IMMP2L: variants seen among roughly 807,000 people sequenced by gnomAD.
IMMP2L encodes mitochondrial inner membrane protease subunit 2.
Under a neutral mutation model 19.3 loss-of-function variants are expected in IMMP2L, and 18 were observed. The observed-to-expected ratio is 0.93, with a 90% CI of 0.64 to 1.38. IMMP2L has a LOEUF of 1.38. IMMP2L is among the 40% of genes most tolerant of loss of function. The probability of loss-of-function intolerance (pLI) is 0.00; values close to 1 mark genes in which losing one functional copy is unlikely to be tolerated. For missense variants in IMMP2L, 233 were observed against 218.2 expected (o/e 1.07, Z -0.43); for synonymous variants, 76 against 73.0 (o/e 1.04, Z -0.21).
At chr7:111,326,317 T>C (rs2094948980) in intron 3 of IMMP2L, among the ~76,000 whole-genome samples, 1 of 151,824 alleles carries the variant, frequency 6.6e-6, no homozygotes, top group African/African-American at 2.4e-5. Context: ...TAAAATTTTC[T>C]CAAAACTACA....
At chr7:110,950,858 A>G (rs10282133) in intron 4 of IMMP2L, among the ~76,000 whole-genome samples, 1,401 of 136,284 alleles carry the variant, frequency 0.01, 30 homozygotes, top group African/African-American at 0.037. Context: ...ATATATATAT[A>G]TATATATATA....
chr7:111,212,751 G>A (rs1181286615), intron 3 of IMMP2L, among the ~76,000 whole-genome samples: 1 of 152,220 alleles, frequency 6.6e-6, no homozygotes, highest in African/African-American at 2.4e-5. Context: ...ACACAGTGGG[G>A]TCTGGTTGAA....
At chr7:111,065,653 T>C (rs1794420609) in intron 3 of IMMP2L, among the ~76,000 whole-genome samples, 1 of 152,196 alleles carries the variant, frequency 6.6e-6, no homozygotes, top group Non-Finnish European at 1.5e-5. Flanking sequence ...TAGACTGGCT[T>C]AGCCTCCCAG....
In IMMP2L at chr7:111,049,126, TTTTTTTTTTC is replaced by T. The variant is rs1199646808; in HGVS notation, c.240-85571_240-85562del. On this transcript the variant is annotated intron_variant, in intron 3 of 5. Coordinates refer to ENST00000405709, the MANE Select transcript of IMMP2L (RefSeq NM_032549.4). ...TGATTTTTATGATACTTCTTTTTTT[TTTTTTTTTTC>T]TTTTTTTTTTTTGGGACGGAGTCTC... Among the ~76,000 whole-genome samples, 17 of 21,548 alleles carry T rather than the reference TTTTTTTTTTC, an allele frequency of 7.9e-4. 1 individual carries two copies. Among genetic ancestry groups the T allele is most frequent in the Admixed American group, 2.6e-3 (3 of 1,138 alleles). The allele number at this position is 21,548 out of a possible 152,430, so 14.1% of individuals were successfully genotyped here. A position where few individuals can be genotyped will look rare whatever the true frequency, so the allele number is the denominator to read the frequency against.
At chr7:110,984,402 A>C (rs1311439169) in intron 3 of IMMP2L, among the ~76,000 whole-genome samples, 1 of 152,052 alleles carries the variant, frequency 6.6e-6, no homozygotes, top group Non-Finnish European at 1.5e-5. Context: ...CAAATGAAAT[A>C]CATGAATATT....
intron 5 of IMMP2L, among the ~76,000 whole-genome samples, chr7:110,706,836 G>A (rs1191112353): frequency 4.6e-5 from 7 of 151,840 alleles, no homozygotes; most frequent in Non-Finnish European, 1.5e-5. Context: ...CTGTGCAGAT[G>A]CTCCTTAGTT....
chr7:111,284,357 C>T (rs993670223), intron 3 of IMMP2L, among the ~76,000 whole-genome samples: 1 of 152,254 alleles, frequency 6.6e-6, no homozygotes, highest in Non-Finnish European at 1.5e-5. Context: ...TTAACATCCT[C>T]TTCTCCTTCA....
At chr7:111,437,556 C>T (rs191395408) in intron 3 of IMMP2L, among the ~76,000 whole-genome samples, 23 of 151,946 alleles carry the variant, frequency 1.5e-4, no homozygotes, top group African/African-American at 4.1e-4. Flanking sequence ...AAAACGATAA[C>T]GTCTAGAAAT....
chr7:111,295,750 T>G (rs1205317370), intron 3 of IMMP2L, among the ~76,000 whole-genome samples: 2 of 151,818 alleles, frequency 1.3e-5, no homozygotes, highest in African/African-American at 4.8e-5. Context: ...AGAGATACTT[T>G]TCCACATATC....
intron 4 of IMMP2L, among the ~76,000 whole-genome samples, chr7:110,907,054 TG>T (rs925083656): frequency 6.8e-6 from 1 of 147,358 alleles, no homozygotes; most frequent in Non-Finnish European, 1.5e-5. Flanking sequence ...GCAAGGGCAG[TG>T]GGGGGGATGG....
At chr7:110,851,716 T>A (rs1275587291) in intron 5 of IMMP2L, among the ~76,000 whole-genome samples, 1 of 152,124 alleles carries the variant, frequency 6.6e-6, no homozygotes, top group African/African-American at 2.4e-5. Context: ...GCCTTTACCT[T>A]ACACATTGTT....
intron 5 of IMMP2L, among the ~76,000 whole-genome samples, chr7:110,768,095 G>A (rs943604244): frequency 3.3e-5 from 5 of 152,118 alleles, no homozygotes; most frequent in African/African-American, 1.2e-4. Context: ...AATAGGTGCT[G>A]TAACTAAAAC....
At chr7:111,090,608 C>CT (rs1554513322) in intron 3 of IMMP2L, among the ~76,000 whole-genome samples, 1 of 119,288 alleles carries the variant, frequency 8.4e-6, no homozygotes, top group African/African-American at 3.3e-5. Context: ...AATGTCATTG[C>CT]TAAAAAAAAA....
At chr7:110,786,099 T>C (rs1424289070) in intron 5 of IMMP2L, among the ~76,000 whole-genome samples, 2 of 151,950 alleles carry the variant, frequency 1.3e-5, no homozygotes, top group Non-Finnish European at 2.9e-5. Flanking sequence ...ACAATAAATA[T>C]TATAAAGAGT....
intron 4 of IMMP2L, among the ~76,000 whole-genome samples, chr7:110,911,265 CA>C (rs753320131): frequency 1.3e-5 from 2 of 151,886 alleles, no homozygotes; most frequent in Non-Finnish European, 2.9e-5. Context: ...ATCTGAAAGA[CA>C]AAAGTTACAA....
intron 3 of IMMP2L, among the ~76,000 whole-genome samples, chr7:111,366,662 A>T (rs1424532035): frequency 1.3e-5 from 2 of 152,024 alleles, no homozygotes; most frequent in African/African-American, 4.8e-5. Flanking sequence ...AAATGCCTTA[A>T]TCTTAGGAAA....
intron 5 of IMMP2L, among the ~76,000 whole-genome samples, chr7:110,690,855 T>C (rs918395836): frequency 5.9e-5 from 9 of 152,070 alleles, no homozygotes; most frequent in Admixed American, 5.9e-4. Context: ...TTCATGCTCA[T>C]GGATTGGAAG....
At chr7:111,493,568 G>A (rs1210176006) in intron 2 of IMMP2L, among the ~76,000 whole-genome samples, 7 of 151,894 alleles carry the variant, frequency 4.6e-5, no homozygotes, top group Admixed American at 2.0e-4. Flanking sequence ...AGCCGGGCGT[G>A]GGGGCGGGCG....
chr7:111,355,127 C>A (rs888494385), intron 3 of IMMP2L, among the ~76,000 whole-genome samples: 1 of 151,774 alleles, frequency 6.6e-6, no homozygotes, highest in African/African-American at 2.4e-5. Flanking sequence ...ATACAGTACT[C>A]TAAAACTGAC....
Sources: allele counts gnomAD v4.1 joint callset (sites outside exome capture counted in the v4.1 genomes callset), GRCh38; gene constraint gnomAD v4.1.1; transcripts MANE v1.5; gene names NCBI Gene and HGNC (gene_info 2026-07-23, HGNC 2026-07-21).